The following SFTPD variants were observed in gnomAD, a reference collection of about 807,000 sequenced individuals.
SFTPD encodes surfactant protein D, also known as pulmonary surfactant-associated protein D.
In SFTPD, 18 loss-of-function variants were observed where a neutral mutation model predicts 34.6. The observed-to-expected ratio is 0.52, with a 90% CI of 0.36 to 0.77. SFTPD has a LOEUF of 0.77. SFTPD is among the 30% of genes least tolerant of loss of function. The pLI is 0.00. For synonymous variants in SFTPD, 155 were observed against 180.9 expected, an observed-to-expected ratio of 0.86 and a Z score of 1.15; for missense variants, 433 against 468.9, an observed-to-expected ratio of 0.92 and a Z score of 0.71.
chr10:79,941,211 AC>A (rs1377973786), intron 6 of SFTPD, among the ~76,000 whole-genome samples, 186 bp downstream of exon 6: 4 of 152,194 alleles, frequency 2.6e-5, no homozygotes, highest in Non-Finnish European at 4.4e-5. Flanking sequence ...TCCCATGAGT[AC>A]TAAGTGGCTA....
chr10:79,945,124 C>T (rs1842652876), intron 2 of SFTPD, among the ~76,000 whole-genome samples: 1 of 152,112 alleles, frequency 6.6e-6, no homozygotes, highest in African/African-American at 2.4e-5. Flanking sequence ...AAAGCCAGGC[C>T]TGGAATGTGC....
At chr10:79,964,039 C>T (rs1842789700) in intron 1 of SFTPD, among the ~76,000 whole-genome samples, 1 of 152,114 alleles carries the variant, frequency 6.6e-6, no homozygotes, top group Non-Finnish European at 1.5e-5. Flanking sequence ...CCAGCAAAGG[C>T]AGGCTATGCT....
chr10:79,963,337 AC>A (rs1429018928), intron 1 of SFTPD, among the ~76,000 whole-genome samples: 1 of 147,402 alleles, frequency 6.8e-6, no homozygotes, highest in African/African-American at 2.5e-5. Context: ...TGAGAGTGAG[AC>A]CGTGTCTCTT....
chr10:79,943,288 G>T (rs545631442), intron 2 of SFTPD, among the ~76,000 whole-genome samples: 7 of 152,138 alleles, frequency 4.6e-5, no homozygotes, highest in Non-Finnish European at 8.8e-5. Context: ...TGGTCGATTT[G>T]CTCATTTATT....
Position 79,964,975 on chromosome 10 carries a change from C to A in SFTPD, c.36+17600G>T, listed in dbSNP as rs543921068. ...ACCTCTATACAGTCCAATAATGGAC[C>A]AGCCTTTATTAGTCAAATCACCCAA... On this transcript the variant is annotated intron_variant, in intron 1 of 5. Coordinates refer to the SFTPD transcript ENST00000444384. Among the ~76,000 whole-genome samples, 44 of 152,252 alleles carry A rather than the reference C, an allele frequency of 2.9e-4. No homozygotes were observed. The East Asian group carries it at 6.8e-3, about 23-fold the overall frequency.
chr10:79,968,687 G>A (rs1160084545), intron 1 of SFTPD: 1 of 152,134 alleles, frequency 6.6e-6, no homozygotes, highest in African/African-American at 2.4e-5. Flanking sequence ...ACCCAGTAAT[G>A]AGACTGTGTC....
At chr10:79,959,730 G>A (rs1842761350) in intron 1 of SFTPD, among the ~76,000 whole-genome samples, 1 of 152,188 alleles carries the variant, frequency 6.6e-6, no homozygotes, top group Admixed American at 6.5e-5. Context: ...GGAAGAGCTG[G>A]TACCATTCCT....
Position 79,937,742 on chromosome 10 carries a change from C to T in SFTPD, c.*110G>A, listed in dbSNP as rs1363697485. ...GGCCACATTCTGGAGAGAAGTCCTT[C>T]CCGGCACAGATGGTCACCTTTTTAT... is the stretch of plus-strand genomic sequence containing the variant. On this transcript the variant is annotated 3_prime_UTR_variant, in exon 8 of 8. Coordinates refer to ENST00000372292, the MANE Select transcript of SFTPD (RefSeq NM_003019.5). The T allele has an allele frequency of 2.5e-6, 3 of 1,222,038 alleles. No homozygotes were observed. The highest frequency in any genetic ancestry group is 2.6e-5 in the Admixed American group (1 of 38,608). The allele number at this position is 1,222,038 out of a possible 1,614,324, so 75.7% of individuals were successfully genotyped here.
chr10:79,953,303 G>T (rs1842721489), upstream of SFTPD, among the ~76,000 whole-genome samples: 1 of 152,122 alleles, frequency 6.6e-6, no homozygotes, highest in South Asian at 2.1e-4. Context: ...AGCACTTCTT[G>T]CAAGGTGGAC....
intron 1 of SFTPD, among the ~76,000 whole-genome samples, chr10:79,975,252 G>A (rs938249464): frequency 1.3e-5 from 2 of 152,144 alleles, no homozygotes; most frequent in African/African-American, 4.8e-5. Flanking sequence ...TAATAAGGAG[G>A]GGGTGCAGAA....
intron 1 of SFTPD, chr10:79,971,568 T>A (rs191072495): frequency 6.6e-6 from 1 of 152,316 alleles, no homozygotes; most frequent in East Asian, 1.9e-4. Context: ...TTCTACTACT[T>A]CTTGGTTCAA....
At chr10:79,939,090 T>C (rs1273126779) in intron 7 of SFTPD, among the ~76,000 whole-genome samples, 2 of 151,150 alleles carry the variant, frequency 1.3e-5, no homozygotes, top group Non-Finnish European at 3.0e-5. Context: ...TCACAAAAGC[T>C]GTTGCGTGGG....
chr10:79,946,375 A>G, intron 2 of SFTPD, 86 bp downstream of exon 2: 1 of 1,029,820 alleles, frequency 9.7e-7, no homozygotes, highest in South Asian at 1.3e-5. Flanking sequence ...CCAGACTTCC[A>G]TAACAAAGTA....
At chr10:79,974,216 G>T (rs1464769695) in intron 1 of SFTPD, among the ~76,000 whole-genome samples, 3 of 152,062 alleles carry the variant, frequency 2.0e-5, no homozygotes, top group African/African-American at 7.2e-5. Flanking sequence ...TGCCCAGGCT[G>T]CAGTGCAGTG....
upstream of SFTPD, among the ~76,000 whole-genome samples, chr10:79,953,804 C>T (rs1361894693): frequency 6.6e-6 from 1 of 152,106 alleles, no homozygotes; most frequent in African/African-American, 2.4e-5. Flanking sequence ...AGGTTTGCTT[C>T]ATCGTGTCCC....
chr10:79,960,765 T>A (rs988363107), intron 1 of SFTPD, among the ~76,000 whole-genome samples: 5 of 152,180 alleles, frequency 3.3e-5, no homozygotes, highest in Non-Finnish European at 7.3e-5. Flanking sequence ...AAGCTACCAA[T>A]GACTTTCTTC....
chr10:79,956,336 G>T (rs549424939), intron 1 of SFTPD, among the ~76,000 whole-genome samples: 1 of 152,362 alleles, frequency 6.6e-6, no homozygotes, highest in Admixed American at 6.5e-5. Context: ...CCATGCACGA[G>T]CCAAAGCAGG....
At position 79,942,542 on chromosome 10, in the gene SFTPD, C is replaced by A; in HGVS notation, c.317-38G>T. On this transcript the variant is annotated intron_variant, in intron 3 of 7. Transcript: ENST00000372292. ...ACCAGCCCGGTCAGTAACAATGAAT[C>A]CTCTTGGCAGGAGGAGTGTGTAGTA... 3 of 1,378,114 alleles carry A rather than the reference C, an allele frequency of 2.2e-6. No homozygotes were observed. In the East Asian group the frequency reaches 6.9e-5, roughly 32 times the overall value. 85.4% of individuals were successfully genotyped at this position (1,378,114 alleles called of 1,614,324 possible).
rs1842572884 is a variant in SFTPD at position 79,937,964 on chromosome 10, G to A, written c.1016C>T (p.Pro339Leu). Reference sequence around the variant, plus strand: ...CCCGCCATCATCGTTGGGCTCCCCTGGGGCCCAGTTGGAATAGACCAGGGA... The same window carrying A: ...CCCGCCATCATCGTTGGGCTCCCCTAGGGCCCAGTTGGAATAGACCAGGGA... ...GESLVYSNWA[P>L]GEPNDDGGSE... The change falls in exon 8 of 8, where the codon CCA (proline) becomes CTA (leucine). Residue 339 changes from proline (P) to leucine (L), a missense_variant. Coordinates refer to ENST00000372292, the MANE Select transcript of SFTPD (RefSeq NM_003019.5). 1.2e-6 allele frequency: 2 copies of A among 1,613,376 alleles called. No individual in the cohort carries two copies. The highest frequency in any genetic ancestry group is 1.3e-5 in the African/African-American group (1 of 74,900).
Sources: allele counts gnomAD v4.1 joint callset (sites outside exome capture counted in the v4.1 genomes callset), GRCh38; gene constraint gnomAD v4.1.1; transcripts MANE v1.5; gene names NCBI Gene and HGNC (gene_info 2026-07-23, HGNC 2026-07-21).